The following ZNF70 variants were observed in gnomAD, a reference collection of about 807,000 sequenced individuals.
The protein encoded by ZNF70 is zinc finger protein 70.
Under a neutral mutation model 37.7 loss-of-function variants are expected in ZNF70, and 18 were observed. The ratio of observed to expected loss-of-function variants is 0.48; its 90% CI spans 0.33 to 0.71. The LOEUF is 0.71. ZNF70 is among the 30% of genes least tolerant of loss of function. The pLI is 0.02. For missense variants in ZNF70, 506 were observed against 568.6 expected (o/e 0.89, Z 1.12); for synonymous variants, 219 against 220.1 (o/e 0.99, Z 0.05).
chr22:23,747,263 T>A (rs991978406), intron 1 of ZNF70, among the ~76,000 whole-genome samples: 1 of 152,074 alleles, frequency 6.6e-6, no homozygotes, highest in Non-Finnish European at 1.5e-5. Flanking sequence ...GAGCGGAAGG[T>A]GAGCGAGCAT....
Position 23,743,956 on chromosome 22 carries a change from C to T in ZNF70, c.1185G>A (p.Glu395=), listed in dbSNP as rs1367877445. 2 of 1,613,544 alleles carry T rather than the reference C, an allele frequency of 1.2e-6. No homozygotes were observed. The highest frequency in any genetic ancestry group is 1.7e-6 in the Non-Finnish European group (2 of 1,179,442). The change falls in exon 2 of 2, where the codon GAG becomes GAA. Residue 395 remains glutamate (E), a synonymous_variant. Transcript: ENST00000341976. Reference sequence around the variant, plus strand: ...ACCGGTGCCGGAAGGCTTTGCCACACTCGCAGGTGTAGGGCTTCTTGCCGG... The same window carrying T: ...ACCGGTGCCGGAAGGCTTTGCCACATTCGCAGGTGTAGGGCTTCTTGCCGG... ...IHTGKKPYTC[E]CGKAFRHRSA...
At chr22:23,750,010 C>A (rs1209584443) in intron 1 of ZNF70, among the ~76,000 whole-genome samples, 1 of 152,184 alleles carries the variant, frequency 6.6e-6, no homozygotes, top group African/African-American at 2.4e-5. Flanking sequence ...CCGCTAAGTC[C>A]CAGTCTTCTC....
Position 23,743,900 on chromosome 22 carries a change from G to T in ZNF70, c.1241C>A (p.Thr414Asn), listed in dbSNP as rs772540123. 6.2e-7 allele frequency: 1 copy of T among 1,613,088 alleles called. No individual in the cohort carries two copies. Among genetic ancestry groups the T allele is most frequent in the Admixed American group, 1.7e-5 (1 of 60,014 alleles). The change falls in exon 2 of 2, where the codon ACC becomes AAC. Residue 414 changes from threonine (T) to asparagine (N), a missense_variant. Physicochemically the swap from Thr to Asn is moderately conservative, Grantham distance 65 (BLOSUM62 0). Transcript: ENST00000341976. Reference protein sequence around the residue: ...SALIEHYKTHTREKPYVCNLC... With the variant: ...SALIEHYKTHNREKPYVCNLC... ...ATTGCACACGTAGGGCTTCTCTCTG[G>T]TGTGGGTTTTATAGTGCTCAATGAG... is the stretch of plus-strand genomic sequence containing the variant.
Position 23,745,114 on chromosome 22 carries a change from AAACTTT to A in ZNF70, c.21_26del (p.Lys8_Phe9del). 6.2e-7 allele frequency: 1 copy of A among 1,612,478 alleles called. No homozygotes were observed. The highest frequency in any genetic ancestry group is 8.5e-7 in the Non-Finnish European group (1 of 1,178,750). ...TGTTCTCAAATGCAAAGGTCTCACC[AAACTTT>A]GTTGCTGGGGGAACCTCCATTGTGA... is the stretch of plus-strand genomic sequence containing the variant. On this transcript the variant is annotated inframe_deletion, in exon 2 of 2. Transcript: ENST00000341976.
Position 23,745,043 on chromosome 22 carries a change from T to A in ZNF70, c.98A>T (p.Asp33Val). Reference sequence around the variant, plus strand: ...CAAACCTCTTTCCTGAAGAAAAGGGTCCCCCAGGTCCTCCCCTGGGAAAAG... The same window carrying A: ...CAAACCTCTTTCCTGAAGAAAAGGGACCCCCAGGTCCTCCCCTGGGAAAAG... Reference protein sequence around the residue: ...QGLFPGEDLGDPFLQERGLEQ... With the variant: ...QGLFPGEDLGVPFLQERGLEQ... The change falls in exon 2 of 2, where the codon GAC (aspartate) becomes GTC (valine). Residue 33 changes from aspartate to valine, a missense_variant. Asp to Val is a radical substitution (Grantham distance 152, BLOSUM62 -3). Coordinates refer to ENST00000341976, the MANE Select transcript of ZNF70 (RefSeq NM_021916.4). The A allele has an allele frequency of 6.2e-7, 1 of 1,614,018 alleles. No individual in the cohort carries two copies. The highest frequency in any genetic ancestry group is 8.5e-7 in the Non-Finnish European group (1 of 1,180,000).
In ZNF70 at chr22:23,743,654, T is replaced by C; in HGVS notation, c.*146A>G. On this transcript the variant is annotated 3_prime_UTR_variant, in exon 2 of 2. Coordinates refer to ENST00000341976, the MANE Select transcript of ZNF70 (RefSeq NM_021916.4). Reference sequence around the variant, plus strand: ...GCTTGGCCCAGGGCCACACAGGGCCTTCCTGCTAGTGGGATGTTCAAGAGC... The same window carrying C: ...GCTTGGCCCAGGGCCACACAGGGCCCTCCTGCTAGTGGGATGTTCAAGAGC... 8.3e-7 allele frequency: 1 copy of C among 1,205,914 alleles called. No homozygotes were observed. Among genetic ancestry groups the C allele is most frequent in the Non-Finnish European group, 1.2e-6 (1 of 864,170 alleles). The allele number at this position is 1,205,914 out of a possible 1,614,324, so 74.7% of individuals were successfully genotyped here. A position where few individuals can be genotyped will look rare whatever the true frequency, so the allele number is the denominator to read the frequency against.
In ZNF70 at chr22:23,739,018, C is replaced by T. The variant is rs1001670451; in HGVS notation, c.*4782G>A. On this transcript the variant is annotated 3_prime_UTR_variant, in exon 2 of 2. Transcript: ENST00000341976. ...ACATGCTAAAGACTCCTAGGCAGGC[C>T]ATGGACCCCCAGATTAAGAACTCTA... 10 of 152,150 alleles carry T rather than the reference C, an allele frequency of 6.6e-5. No individual in the cohort carries two copies. The highest frequency in any genetic ancestry group is 1.2e-4 in the Non-Finnish European group (8 of 68,038). 9.4% of individuals were successfully genotyped at this position (152,150 alleles called of 1,614,324 possible).
rs1034348148 is a variant in ZNF70 at position 23,743,977 on chromosome 22, G to A, written c.1164C>T (p.Gly388=). The change falls in exon 2 of 2, where the codon GGC becomes GGT. Residue 388 remains glycine, a synonymous_variant. Transcript: ENST00000341976. The stretch of plus-strand genomic sequence containing the variant: ...CACACTCGCAGGTGTAGGGCTTCTT[G>A]CCGGTGTGGATTCTCTGGTGCTGGA... ...ALIQHQRIHT[G]KKPYTCECGK... is the part of the protein sequence containing the mutation. 22 of 1,614,168 alleles carry A rather than the reference G, an allele frequency of 1.4e-5. 1 individual carries two copies. The highest frequency in any genetic ancestry group is 1.9e-5 in the Non-Finnish European group (22 of 1,180,024).
At chr22:23,749,665 C>G (rs1191874984) in intron 1 of ZNF70, among the ~76,000 whole-genome samples, 4 of 151,922 alleles carry the variant, frequency 2.6e-5, no homozygotes, top group Non-Finnish European at 4.4e-5. Context: ...AATTTCTGAG[C>G]TCATGCGATC....
chr22:23,747,069 A>G (rs2145899737), intron 1 of ZNF70, among the ~76,000 whole-genome samples: 1 of 152,318 alleles, frequency 6.6e-6, no homozygotes, highest in East Asian at 1.9e-4. Context: ...CAATGTACAC[A>G]GTTGTTGAAT....
intron 1 of ZNF70, among the ~76,000 whole-genome samples, chr22:23,745,473 A>G (rs1925090201): frequency 6.6e-6 from 1 of 152,166 alleles, no homozygotes; most frequent in Non-Finnish European, 1.5e-5. Flanking sequence ...AAGGTGAGCT[A>G]AAACAGGAAG....
intron 1 of ZNF70, among the ~76,000 whole-genome samples, chr22:23,747,560 G>A (rs886986295): frequency 1.2e-4 from 19 of 152,238 alleles, no homozygotes; most frequent in Admixed American, 5.9e-4. Context: ...GTCCGGGCGC[G>A]GTGGCTCACA....
In ZNF70 at chr22:23,743,154, T is replaced by C. The variant is rs1481863220; in HGVS notation, c.*646A>G. 6.6e-6 allele frequency: 1 copy of C among 152,520 alleles called. No homozygotes were observed. Among genetic ancestry groups the C allele is most frequent in the African/African-American group, 2.4e-5 (1 of 41,464 alleles). 9.4% of individuals were successfully genotyped at this position (152,520 alleles called of 1,614,324 possible). A position where few individuals can be genotyped will look rare whatever the true frequency, so the allele number is the denominator to read the frequency against. On this transcript the variant is annotated 3_prime_UTR_variant, in exon 2 of 2. Transcript: ENST00000341976. ...TGTAACAGAGCTGTCTGAGGGAAAC[T>C]GCCCTAGGGCTAAGGAGAGGGTTAA...
rs766571896 is a variant in ZNF70, at chr22:23,744,128, C to T, written c.1013G>A (p.Cys338Tyr). The T allele has an allele frequency of 3.1e-6, 5 of 1,613,904 alleles. No homozygotes were observed. The highest frequency in any genetic ancestry group is 4.2e-6 in the Non-Finnish European group (5 of 1,180,006). The part of the protein sequence containing the change: ...KTHTGEKPYK[C>Y]QKCGKAFSQS... ...GCTGAAGGCTTTCCCACACTTCTGG[C>T]ATTTGTAGGGCTTCTCGCCAGTGTG... Residue 338 changes from cysteine to tyrosine, a missense_variant, in exon 2 of 2, where the codon TGC becomes TAC. Transcript: ENST00000341976.
chr22:23,746,200 C>T (rs1159550843), intron 1 of ZNF70, among the ~76,000 whole-genome samples: 3 of 138,664 alleles, frequency 2.2e-5, no homozygotes, highest in Non-Finnish European at 4.7e-5. Flanking sequence ...ATGGTGGTTC[C>T]CTTTTTTTTT....
intron 1 of ZNF70, among the ~76,000 whole-genome samples, chr22:23,748,135 C>T (rs1020784677): frequency 6.7e-6 from 1 of 148,432 alleles, no homozygotes; most frequent in African/African-American, 2.6e-5. Context: ...CAACTCTATA[C>T]AAAGGCACAA....
rs780807006 is a variant in ZNF70, at chr22:23,744,569, G to C, written c.572C>G (p.Thr191Ser). ...SHLLRHQIIH[T>S]GEKPYECREC... ...CCGGCACTCGTAGGGCTTCTCCCCG[G>C]TGTGGATGATCTGGTGCCTGAGCAG... The change falls in exon 2 of 2, where the codon ACC becomes AGC. Residue 191 changes from threonine (T) to serine (S), a missense_variant. By Grantham distance (58) the Thr-to-Ser change is moderately conservative. Transcript: ENST00000341976. 2 of 1,613,350 alleles carry C rather than the reference G, an allele frequency of 1.2e-6. No homozygotes were observed. The highest frequency in any genetic ancestry group is 1.7e-6 in the Non-Finnish European group (2 of 1,179,804).
Position 23,743,962 on chromosome 22 carries a change from G to T in ZNF70, c.1179C>A (p.Thr393=). Residue 393 remains threonine, a synonymous_variant, in exon 2 of 2, where the codon ACC becomes ACA. Coordinates refer to ENST00000341976, the MANE Select transcript of ZNF70 (RefSeq NM_021916.4). The stretch of plus-strand genomic sequence containing the variant: ...GCCGGAAGGCTTTGCCACACTCGCA[G>T]GTGTAGGGCTTCTTGCCGGTGTGGA... ...QRIHTGKKPY[T]CECGKAFRHR... The T allele has an allele frequency of 6.2e-7, 1 of 1,614,166 alleles. No individual in the cohort carries two copies. The highest frequency in any genetic ancestry group is 1.3e-5 in the African/African-American group (1 of 75,050).
chr22:23,745,744 G>A (rs1925099051), intron 1 of ZNF70, among the ~76,000 whole-genome samples: 1 of 152,008 alleles, frequency 6.6e-6, no homozygotes, highest in African/African-American at 2.4e-5. Context: ...GCACTCCAAC[G>A]TGGGCAACAA....
Sources: allele counts gnomAD v4.1 joint callset (sites outside exome capture counted in the v4.1 genomes callset), GRCh38; gene constraint gnomAD v4.1.1; transcripts MANE v1.5; gene names NCBI Gene and HGNC (gene_info 2026-07-23, HGNC 2026-07-21).